Variants in DLG1 observed in about 807,000 individuals in gnomAD.
DLG1 encodes disks large homolog 1.
In DLG1, 42 loss-of-function variants were observed where a neutral mutation model predicts 123.4. The observed-to-expected ratio is 0.34, with a 90% CI of 0.27 to 0.44. The LOEUF (loss-of-function observed/expected upper bound fraction) is 0.44, where lower values mean the gene tolerates loss of function less well. DLG1 is among the 20% of genes least tolerant of loss of function. The pLI is 1.00. For synonymous variants in DLG1, 317 were observed against 356.2 expected (o/e 0.89, Z 1.24); for missense variants, 942 against 1,082.6 (o/e 0.87, Z 1.82).
chr3:197,148,369 C>T (rs1370760246), intron 6 of DLG1, among the ~76,000 whole-genome samples: 2 of 143,544 alleles, frequency 1.4e-5, no homozygotes, highest in African/African-American at 2.6e-5. Context: ...TGAGATTGTG[C>T]CAATGCACTC....
intron 10 of DLG1, among the ~76,000 whole-genome samples, chr3:197,134,436 C>T (rs1024027430): frequency 1.6e-5 from 2 of 126,992 alleles, no homozygotes; most frequent in African/African-American, 6.1e-5. Flanking sequence ...CACCAGAACA[C>T]ACAGCAGCTC....
chr3:197,222,724 C>A (rs1357430597), intron 4 of DLG1, among the ~76,000 whole-genome samples: 1 of 152,150 alleles, frequency 6.6e-6, no homozygotes, highest in Non-Finnish European at 1.5e-5. Context: ...CACTATTTCC[C>A]TGCAGAGAGA....
At chr3:197,268,379 C>T (rs1762550014) in intron 4 of DLG1, among the ~76,000 whole-genome samples, 1 of 151,034 alleles carries the variant, frequency 6.6e-6, no homozygotes, top group Admixed American at 6.6e-5. Context: ...AGATTAACAG[C>T]TTTTTTTTTG....
chr3:197,180,103 C>G (rs1809389518), intron 5 of DLG1, among the ~76,000 whole-genome samples: 2 of 132,348 alleles, frequency 1.5e-5, no homozygotes, highest in Non-Finnish European at 3.1e-5. Context: ...TTATAGTGCT[C>G]TATATGTTGA....
At chr3:197,298,140 T>G (rs1428018796) in intron 1 of DLG1, 8 of 200,744 alleles carry the variant, frequency 4.0e-5, no homozygotes, top group African/African-American at 1.9e-4. Flanking sequence ...CGAGCTGGCC[T>G]GCCGCGCTCC....
At chr3:197,212,554 G>A (rs558501831) in intron 4 of DLG1, among the ~76,000 whole-genome samples, 14 of 152,260 alleles carry the variant, frequency 9.2e-5, no homozygotes, top group African/African-American at 2.9e-4. Context: ...GCAGTCTTCC[G>A]CACTCCTTGG....
At chr3:197,238,266 G>A (rs950421942) in intron 4 of DLG1, among the ~76,000 whole-genome samples, 5 of 152,074 alleles carry the variant, frequency 3.3e-5, no homozygotes, top group African/African-American at 1.2e-4. Flanking sequence ...TGAGAACCAG[G>A]AATATCTCAA....
intron 4 of DLG1, among the ~76,000 whole-genome samples, chr3:197,282,355 C>T (rs1343028724): frequency 2.6e-5 from 4 of 152,152 alleles, no homozygotes; most frequent in Admixed American, 1.3e-4. Context: ...CAGAGCAAAA[C>T]CATCTTTTCA....
At chr3:197,125,198 G>T (rs1356981870) in intron 11 of DLG1, among the ~76,000 whole-genome samples, 4 of 152,182 alleles carry the variant, frequency 2.6e-5, no homozygotes, top group African/African-American at 9.7e-5. Flanking sequence ...TAGATGGCAA[G>T]TGAAGGTTTG....
chr3:197,190,748 C>T (rs948766992), intron 5 of DLG1, among the ~76,000 whole-genome samples: 6 of 152,166 alleles, frequency 3.9e-5, no homozygotes, highest in Non-Finnish European at 7.3e-5. Flanking sequence ...CGGTGGCTCC[C>T]GCCTGTAATC....
chr3:197,282,082 T>C (rs1231070205), intron 4 of DLG1, among the ~76,000 whole-genome samples: 2 of 152,222 alleles, frequency 1.3e-5, no homozygotes, highest in Non-Finnish European at 2.9e-5. Context: ...TACAAACTGC[T>C]TCATACCTCT....
At chr3:197,267,344 T>C (rs1762108971) in intron 4 of DLG1, among the ~76,000 whole-genome samples, 1 of 152,192 alleles carries the variant, frequency 6.6e-6, no homozygotes, top group Non-Finnish European at 1.5e-5. Flanking sequence ...TGTTTTGCCC[T>C]TGGATCCTTT....
intron 23 of DLG1, among the ~76,000 whole-genome samples, chr3:197,055,859 T>C (rs1731321867): frequency 6.6e-6 from 1 of 152,190 alleles, no homozygotes. Context: ...GCAGTGGGGT[T>C]TGCAACAATG....
intron 4 of DLG1, among the ~76,000 whole-genome samples, chr3:197,244,773 G>C (rs542145918): frequency 6.6e-6 from 1 of 152,030 alleles, no homozygotes; most frequent in Admixed American, 6.6e-5. Flanking sequence ...GCTGGTTTGA[G>C]TTTTCCTTCT....
chr3:197,205,906 T>C (rs1728270298), intron 4 of DLG1, among the ~76,000 whole-genome samples: 2 of 152,362 alleles, frequency 1.3e-5, no homozygotes, highest in Non-Finnish European at 2.9e-5. Flanking sequence ...AAGCCACCAA[T>C]GTCAGGCCAA....
At chr3:197,257,770 C>T (rs924041312) in intron 4 of DLG1, among the ~76,000 whole-genome samples, 1 of 152,152 alleles carries the variant, frequency 6.6e-6, no homozygotes, top group African/African-American at 2.4e-5. Flanking sequence ...AAGCAGAGTG[C>T]TTTATTGCTA....
intron 5 of DLG1, chr3:197,184,000 G>A: frequency 1.4e-6 from 2 of 1,395,824 alleles, no homozygotes; most frequent in South Asian, 1.7e-5. Flanking sequence ...TCTTCCCTCT[G>A]TACCTGTTAG....
rs1046442696 is a variant in DLG1 at position 197,155,533 on chromosome 3, A to G, written c.484-5737T>C. ...AGTAAAGGTAAATACATAGGTAATAATAAACACTAGTTAGTAATATTGTAA... is the reference window on the plus strand; with the variant it reads ...AGTAAAGGTAAATACATAGGTAATAGTAAACACTAGTTAGTAATATTGTAA... On this transcript the variant is annotated intron_variant, in intron 5 of 24. Transcript: ENST00000667157. Among the ~76,000 whole-genome samples, 8 of 152,200 alleles carry G rather than the reference A, an allele frequency of 5.3e-5. 1 individual carries two copies. The highest frequency in any genetic ancestry group is 5.2e-4 in the Admixed American group (8 of 15,286).
intron 14 of DLG1, among the ~76,000 whole-genome samples, chr3:197,093,440 G>A (rs186187800): frequency 2.0e-5 from 3 of 152,158 alleles, no homozygotes; most frequent in African/African-American, 4.8e-5. Flanking sequence ...TACCCACTGT[G>A]CCCAGCCAAC....
Sources: allele counts gnomAD v4.1 joint callset (sites outside exome capture counted in the v4.1 genomes callset), GRCh38; gene constraint gnomAD v4.1.1; transcripts MANE v1.5; gene names NCBI Gene and HGNC (gene_info 2026-07-23, HGNC 2026-07-21).